The following OGDH variants were observed in gnomAD, a reference collection of about 807,000 sequenced individuals.
OGDH encodes the protein oxoglutarate dehydrogenase.
Under a neutral mutation model 116.6 loss-of-function variants are expected in OGDH, and 38 were observed. The ratio of observed to expected loss-of-function variants is 0.33; its 90% CI spans 0.25 to 0.43. OGDH has a LOEUF of 0.43. OGDH is among the 20% of genes least tolerant of loss of function. OGDH has a pLI of 1.00. For missense variants in OGDH, 825 were observed against 1,357.2 expected (o/e 0.61, Z 6.16); for synonymous variants, 488 against 533.3 (o/e 0.92, Z 1.17).
intron 2 of OGDH, among the ~76,000 whole-genome samples, chr7:44,644,060 A>G (rs544681808): frequency 1.3e-5 from 2 of 152,210 alleles, no homozygotes; most frequent in South Asian, 2.1e-4. Flanking sequence ...TACAAAAATT[A>G]TAAGCCTGGT....
chr7:44,690,865 G>A (rs1788335010), intron 10 of OGDH, among the ~76,000 whole-genome samples: 1 of 152,150 alleles, frequency 6.6e-6, no homozygotes, highest in Non-Finnish European at 1.5e-5. Flanking sequence ...CCCAAGATGG[G>A]CAATGCTGGC....
chr7:44,617,769 C>T (rs1200544472), intron 1 of OGDH, among the ~76,000 whole-genome samples: 3 of 152,166 alleles, frequency 2.0e-5, no homozygotes, highest in African/African-American at 7.2e-5. Flanking sequence ...TGCCAGCTAA[C>T]ACTCATAGGG....
At chr7:44,657,742 TC>T (rs760872982) in intron 4 of OGDH, among the ~76,000 whole-genome samples, 2 of 152,242 alleles carry the variant, frequency 1.3e-5, no homozygotes, top group Non-Finnish European at 2.9e-5. Flanking sequence ...TATACATTTT[TC>T]TAAAGGTTTT....
At chr7:44,667,417 G>A (rs1373841245) in intron 5 of OGDH, among the ~76,000 whole-genome samples, 3 of 152,210 alleles carry the variant, frequency 2.0e-5, no homozygotes, top group Admixed American at 6.5e-5. Context: ...TGAGGGACAG[G>A]CCTCAAGTCA....
intron 10 of OGDH, among the ~76,000 whole-genome samples, chr7:44,689,582 G>A (rs1788287645): frequency 6.6e-6 from 1 of 151,432 alleles, no homozygotes; most frequent in Non-Finnish European, 1.5e-5. Flanking sequence ...TCTTGTTATT[G>A]TCTGTTTTAT....
chr7:44,610,203 A>G (rs1403852876), intron 1 of OGDH, among the ~76,000 whole-genome samples: 2 of 151,886 alleles, frequency 1.3e-5, no homozygotes, highest in Non-Finnish European at 2.9e-5. Context: ...TTGAGCTTTG[A>G]GAATTCCTAA....
intron 1 of OGDH, chr7:44,623,021 C>T (rs1265205720): frequency 6.6e-6 from 1 of 152,276 alleles, no homozygotes; most frequent in Non-Finnish European, 1.5e-5. Flanking sequence ...TGAACAACTG[C>T]TCCATGTGCT....
chr7:44,662,459 CTTTTCTT>C (rs1270142111), intron 4 of OGDH, among the ~76,000 whole-genome samples: 60 of 143,218 alleles, frequency 4.2e-4, no homozygotes, highest in African/African-American at 1.6e-3. Flanking sequence ...CTTTTCTTTT[CTTTTCTT>C]TTTTTTTTTT....
chr7:44,624,251 C>T (rs2117291273), intron 1 of OGDH, 66 bp from the exon 2 acceptor site: 1 of 1,102,592 alleles, frequency 9.1e-7, no homozygotes, highest in Non-Finnish European at 1.3e-6. Context: ...ATCTAGTAGC[C>T]TTGTCTCCTA....
chr7:44,618,992 A>T (rs1032665664), intron 1 of OGDH, among the ~76,000 whole-genome samples: 2 of 152,228 alleles, frequency 1.3e-5, no homozygotes, highest in Non-Finnish European at 2.9e-5. Context: ...ATGGTTATCT[A>T]TGCTTCAGTC....
In OGDH at chr7:44,647,737, T is replaced by G; in HGVS notation, c.495T>G (p.Ile165Met). The G allele has an allele frequency of 1.2e-6, 2 of 1,614,008 alleles. No individual in the cohort carries two copies. The highest frequency in any genetic ancestry group is 1.7e-6 in the Non-Finnish European group (2 of 1,179,942). The change falls in exon 4 of 23, where the codon ATT becomes ATG. Residue 165 changes from isoleucine to methionine, a missense_variant. By Grantham distance (10) the Ile-to-Met change is conservative (BLOSUM62 1). Transcript: ENST00000222673. ...TGGACTCCTCCGTGCCCGCTGACAT[T>G]ATCTCATCCACAGACAAACTTGGTG... ...ADLDSSVPAD[I>M]ISSTDKLGFY...
At chr7:44,659,905 G>A (rs1786862845) in intron 4 of OGDH, among the ~76,000 whole-genome samples, 1 of 151,806 alleles carries the variant, frequency 6.6e-6, no homozygotes, top group Admixed American at 6.6e-5. Flanking sequence ...TTTTTCTGTT[G>A]TTTTGCTGTT....
chr7:44,663,107 C>G (rs1011039240), intron 4 of OGDH, among the ~76,000 whole-genome samples: 1 of 152,164 alleles, frequency 6.6e-6, no homozygotes, highest in Non-Finnish European at 1.5e-5. Flanking sequence ...CCCTGAGGCT[C>G]TGTTCATTTT....
chr7:44,682,400 A>T (rs1218834606), intron 10 of OGDH, among the ~76,000 whole-genome samples: 1 of 151,758 alleles, frequency 6.6e-6, no homozygotes. Context: ...AAAAAAAAGA[A>T]AAGAAAAAAA....
chr7:44,689,472 C>T (rs1788283986), intron 10 of OGDH, among the ~76,000 whole-genome samples: 1 of 135,190 alleles, frequency 7.4e-6, no homozygotes, highest in African/African-American at 2.8e-5. Flanking sequence ...CTCTTGACCT[C>T]AAGTTATCCA....
chr7:44,636,712 T>C (rs1785686933), intron 2 of OGDH, among the ~76,000 whole-genome samples: 2 of 152,198 alleles, frequency 1.3e-5, no homozygotes, highest in East Asian at 1.9e-4. Flanking sequence ...GAATTCTGAG[T>C]TTGTGGGAGC....
intron 12 of OGDH, among the ~76,000 whole-genome samples, 199 bp from the exon 13 acceptor site, chr7:44,695,826 C>G (rs1012209133): frequency 6.6e-5 from 10 of 152,092 alleles, no homozygotes; most frequent in Admixed American, 5.9e-4. Context: ...GGTGTTATGC[C>G]TATTGAGAAG....
intron 10 of OGDH, among the ~76,000 whole-genome samples, chr7:44,686,827 A>C (rs1297613500): frequency 6.6e-6 from 1 of 150,556 alleles, no homozygotes; most frequent in Non-Finnish European, 1.5e-5. Context: ...AGCTGTGACT[A>C]CAGGCGCCTG....
At chr7:44,690,498 G>A (rs1297253376) in intron 10 of OGDH, among the ~76,000 whole-genome samples, 1 of 152,118 alleles carries the variant, frequency 6.6e-6, no homozygotes, top group Non-Finnish European at 1.5e-5. Flanking sequence ...TATACTAAGA[G>A]GTATTATTAA....
Sources: allele counts gnomAD v4.1 joint callset (sites outside exome capture counted in the v4.1 genomes callset), GRCh38; gene constraint gnomAD v4.1.1; transcripts MANE v1.5; gene names NCBI Gene and HGNC (gene_info 2026-07-23, HGNC 2026-07-21).